The following KAZN variants were observed in gnomAD, a reference collection of about 807,000 sequenced individuals.
The protein encoded by KAZN is kazrin, periplakin interacting protein, also known as kazrin.
Under a neutral mutation model 87.4 loss-of-function variants are expected in KAZN, and 40 were observed. The observed-to-expected ratio is 0.46, with a 90% CI of 0.36 to 0.60. The LOEUF (loss-of-function observed/expected upper bound fraction) is 0.60. Among genes scored for constraint, KAZN ranks in the 20% least tolerant of loss-of-function variants. The probability of loss-of-function intolerance (pLI) is 0.00; values close to 1 mark genes in which losing one functional copy is unlikely to be tolerated. For synonymous variants in KAZN, 466 were observed against 458.3 expected (o/e 1.02, Z -0.22); for missense variants, 898 against 1,073.9 (o/e 0.84, Z 2.29).
At chr1:14,122,899 GT>G (rs930006965) in intron 1 of KAZN, among the ~76,000 whole-genome samples, 3 of 152,058 alleles carry the variant, frequency 2.0e-5, no homozygotes, top group African/African-American at 7.2e-5. Context: ...GCTATTGTTT[GT>G]TTTTTGTCTA....
intron 1 of KAZN, among the ~76,000 whole-genome samples, chr1:14,732,374 C>A (rs559936537): frequency 3.3e-5 from 5 of 152,212 alleles, no homozygotes; most frequent in Non-Finnish European, 1.5e-5. Context: ...TGCAATGGCT[C>A]ATGCCTGTAA....
chr1:15,027,070 CTTTTTTTTTTTTTTT>C (rs71000358), intron 2 of KAZN, among the ~76,000 whole-genome samples: 1 of 56,116 alleles, frequency 1.8e-5, no homozygotes, highest in Non-Finnish European at 3.1e-5. Context: ...GCCAGTGCTT[CTTTTTTTTTTTTTTT>C]TTTTTTTTTT....
intron 2 of KAZN, among the ~76,000 whole-genome samples, chr1:14,567,781 C>T (rs575436287): frequency 3.6e-4 from 55 of 152,172 alleles, no homozygotes; most frequent in Non-Finnish European, 6.9e-4. Flanking sequence ...TCTGGGTAGA[C>T]TTCCTAGATG....
At chr1:14,631,778 G>T (rs183190768) in intron 1 of KAZN, among the ~76,000 whole-genome samples, 5 of 152,340 alleles carry the variant, frequency 3.3e-5, no homozygotes, top group Non-Finnish European at 7.3e-5. Flanking sequence ...TGCTCCCCTC[G>T]TGTTGGCGAG....
intron 1 of KAZN, among the ~76,000 whole-genome samples, chr1:14,074,482 G>A (rs1643368531): frequency 6.6e-6 from 1 of 152,178 alleles, no homozygotes; most frequent in South Asian, 2.1e-4. Flanking sequence ...ATGGACCTGG[G>A]GAAAAGCCTG....
intron 2 of KAZN, among the ~76,000 whole-genome samples, chr1:14,258,927 A>G (rs1320871498): frequency 2.0e-5 from 3 of 152,228 alleles, no homozygotes; most frequent in Non-Finnish European, 4.4e-5. Flanking sequence ...TCAATTTTGC[A>G]AAGTCCAAAC....
Position 14,417,424 on chromosome 1 carries a change from T to C in KAZN, c.250-181559T>C, listed in dbSNP as rs1453197618. Among the ~76,000 whole-genome samples, 6 of 152,216 alleles carry C rather than the reference T, an allele frequency of 3.9e-5. No individual in the cohort carries two copies. The East Asian group carries it at 1.2e-3, about 29-fold the overall frequency. ...GAAAGATACTTAATTTGACTTCACC[T>C]TCACAGAAAGGTGAACTAAGAAGCC... On this transcript the variant is annotated intron_variant, in intron 2 of 16. Transcript: ENST00000636203.
chr1:15,048,164 A>T (rs1673788420), intron 4 of KAZN, among the ~76,000 whole-genome samples: 1 of 152,238 alleles, frequency 6.6e-6, no homozygotes. Flanking sequence ...CTGAGGAGCC[A>T]ACTCTGGGCC....
intron 1 of KAZN, among the ~76,000 whole-genome samples, chr1:14,797,662 G>A (rs552744360): frequency 6.6e-6 from 1 of 152,270 alleles, no homozygotes; most frequent in East Asian, 1.9e-4. Flanking sequence ...AGGTTCTATA[G>A]CTTCAAGACA....
intron 1 of KAZN, among the ~76,000 whole-genome samples, chr1:14,652,739 A>C (rs956080819): frequency 2.1e-5 from 3 of 142,308 alleles, no homozygotes; most frequent in Non-Finnish European, 4.5e-5. Context: ...CCGTTAATCC[A>C]TCCATCCATT....
intron 2 of KAZN, among the ~76,000 whole-genome samples, chr1:14,253,444 T>C (rs564945774): frequency 1.4e-4 from 21 of 152,354 alleles, no homozygotes; most frequent in African/African-American, 5.1e-4. Context: ...TCATTTTATC[T>C]GAGTTAATGG....
In KAZN at chr1:14,684,071, CAG is replaced by C. The variant is rs1477056163; in HGVS notation, c.226+84851_226+84852del. ...CTGTCTTGGGCTTGGGCTGTCTACG[CAG>C]AGTTTTATTACTCAGGTACCAAGCT... is the stretch of plus-strand genomic sequence containing the variant. On this transcript the variant is annotated intron_variant, in intron 1 of 14. Coordinates refer to ENST00000376030, the MANE Select transcript of KAZN (RefSeq NM_201628.3). 1.2e-4 allele frequency among the ~76,000 whole-genome samples: 19 copies of C among 152,286 alleles called. No individual in the cohort carries two copies. The East Asian group carries it at 2.1e-3, about 17-fold the overall frequency.
intron 1 of KAZN, among the ~76,000 whole-genome samples, chr1:14,666,513 T>C (rs187378112): frequency 1.8e-4 from 28 of 152,240 alleles, no homozygotes; most frequent in Admixed American, 1.8e-3. Context: ...TTCCTACAAA[T>C]TGAATCACTT....
intron 1 of KAZN, among the ~76,000 whole-genome samples, chr1:13,933,011 C>T (rs535537672): frequency 6.6e-6 from 1 of 152,158 alleles, no homozygotes; most frequent in South Asian, 2.1e-4. Context: ...CATCCTATTC[C>T]CTATTTCCCC....
At chr1:14,785,924 T>C (rs1253644797) in intron 1 of KAZN, among the ~76,000 whole-genome samples, 2 of 152,190 alleles carry the variant, frequency 1.3e-5, no homozygotes, top group Non-Finnish European at 2.9e-5. Flanking sequence ...ACCTCAGCCC[T>C]GCCACTTAGT....
intron 2 of KAZN, among the ~76,000 whole-genome samples, chr1:14,559,389 T>G (rs181553745): frequency 2.0e-5 from 3 of 152,308 alleles, no homozygotes; most frequent in Admixed American, 2.0e-4. Context: ...CTCGGAATGA[T>G]GGGTCTCACA....
intron 1 of KAZN, among the ~76,000 whole-genome samples, chr1:14,855,901 C>G (rs1343125641): frequency 1.3e-5 from 2 of 152,176 alleles, no homozygotes; most frequent in Admixed American, 1.3e-4. Context: ...CCTGTTCTCC[C>G]CTTTAAACAG....
chr1:14,367,102 G>A (rs2149508), intron 2 of KAZN, among the ~76,000 whole-genome samples: 31,057 of 152,072 alleles, frequency 0.2, 3,674 homozygotes, highest in Middle Eastern at 0.32. Flanking sequence ...GGTGGCACGC[G>A]CCTGTAATCC....
intron 1 of KAZN, among the ~76,000 whole-genome samples, chr1:14,918,690 A>G (rs1658102737): frequency 5.7e-5 from 2 of 34,858 alleles, no homozygotes; most frequent in Non-Finnish European, 1.1e-4. Flanking sequence ...AAAAAAAAAA[A>G]AAAAAAAAAA....
Sources: gnomAD v4.1 joint callset for allele counts (sites outside exome capture counted in the v4.1 genomes callset) on GRCh38, gnomAD v4.1.1 for gene constraint, MANE v1.5 for transcripts, NCBI Gene and HGNC (gene_info 2026-07-23, HGNC 2026-07-21) for gene names.